RASGRP3: variants seen among roughly 807,000 people sequenced by gnomAD.
RASGRP3 encodes RAS guanyl releasing protein 3.
Under a neutral mutation model 82.7 loss-of-function variants are expected in RASGRP3, and 54 were observed. The ratio of observed to expected loss-of-function variants is 0.65; its 90% CI spans 0.52 to 0.82. RASGRP3 has a LOEUF of 0.82. RASGRP3 is among the 40% of genes least tolerant of loss of function. The pLI, the probability that RASGRP3 is intolerant of heterozygous loss-of-function variation, is 0.00. For missense variants in RASGRP3, 861 were observed against 828.9 expected (o/e 1.04, Z -0.48); for synonymous variants, 309 against 300.5 (o/e 1.03, Z -0.29).
Position 33,558,849 on chromosome 2 carries a change from C to T in RASGRP3, c.1883C>T (p.Ser628Leu), listed in dbSNP as rs779215448. The stretch of plus-strand genomic sequence containing the variant: ...TGGTCAGAGGCTGGCTGGGGGGACT[C>T]GGGGTCCCACACCTTCCCTAAAATG... Reference protein sequence around the residue: ...PVWSEAGWGDSGSHTFPKMKS... With the variant: ...PVWSEAGWGDLGSHTFPKMKS... The change falls in exon 17 of 18, where the codon TCG becomes TTG. Residue 628 changes from serine (S) to leucine (L), a missense_variant. Ser to Leu is a moderately radical substitution (Grantham distance 145, BLOSUM62 -2). Transcript: ENST00000403687. The T allele has an allele frequency of 1.1e-5, 18 of 1,613,866 alleles. No individual in the cohort carries two copies. The highest frequency in any genetic ancestry group is 6.7e-5 in the East Asian group (3 of 44,896).
chr2:33,520,560 A>G lies in RASGRP3; in HGVS notation c.244A>G (p.Ile82Val), dbSNP rs980422189. 4 of 1,613,926 alleles carry G rather than the reference A, an allele frequency of 2.5e-6. No individual in the cohort carries two copies. Among genetic ancestry groups the G allele is most frequent in the Non-Finnish European group, 2.5e-6 (3 of 1,179,806 alleles). The change falls in exon 6 of 18, where the codon ATT becomes GTT. Residue 82 changes from isoleucine to valine, a missense_variant. By Grantham distance (29) the Ile-to-Val change is conservative. Transcript: ENST00000403687. Reference sequence around the variant, plus strand: ...ATATTTGATGCCTTTCAGGTACTGGATTCTGAAGTTTCCTGCAGAGTTTAA... The same window carrying G: ...ATATTTGATGCCTTTCAGGTACTGGGTTCTGAAGTTTCCTGCAGAGTTTAA... Reference protein sequence around the residue: ...LKICYFMRYWILKFPAEFNLD... With the variant: ...LKICYFMRYWVLKFPAEFNLD...
chr2:33,560,100 G>A (rs887430249), intron 17 of RASGRP3, among the ~76,000 whole-genome samples: 1 of 152,288 alleles, frequency 6.6e-6, no homozygotes, highest in East Asian at 1.9e-4. Context: ...CCATTTAAAA[G>A]TATGCAATTT....
In RASGRP3 at chr2:33,458,700, T is replaced by G. The variant is rs373850994; in HGVS notation, c.-261+10757T>G. Among the ~76,000 whole-genome samples the G allele has an allele frequency of 2.0e-5, 3 of 152,294 alleles. No individual in the cohort carries two copies. The East Asian group carries it at 5.8e-4, about 29-fold the overall frequency. On this transcript the variant is annotated intron_variant, in intron 2 of 18. Coordinates refer to the RASGRP3 transcript ENST00000402538. ...GTGCAGAAAATAGGGTAGAAACAAG[T>G]GAGAAGGTAACTGACCCTTTTTCCA... is the stretch of plus-strand genomic sequence containing the variant.
In RASGRP3 at chr2:33,524,460, C is replaced by G; in HGVS notation, c.719C>G (p.Thr240Ser). 3 of 1,603,494 alleles carry G rather than the reference C, an allele frequency of 1.9e-6. No individual in the cohort carries two copies. The highest frequency in any genetic ancestry group is 2.6e-6 in the Non-Finnish European group (3 of 1,174,774). The change falls in exon 9 of 18, where the codon ACC (threonine) becomes AGC (serine). Residue 240 changes from threonine to serine, a missense_variant. Coordinates refer to ENST00000403687, the MANE Select transcript of RASGRP3 (RefSeq NM_001139488.2). ...CTCCTTCAGCTCAAAAATTTTAACA[C>G]CCTGATGGCAGTGGTGGGAGGCCTC... ...KKLLQLKNFN[T>S]LMAVVGGLSH... is the part of the protein sequence containing the mutation.
chr2:33,482,571 A>G (rs528577099), intron 1 of RASGRP3: 15 of 152,236 alleles, frequency 9.9e-5, no homozygotes, highest in Non-Finnish European at 7.3e-5. Flanking sequence ...AGTGCATTCT[A>G]ACTACCATGA....
intron 2 of RASGRP3, among the ~76,000 whole-genome samples, chr2:33,468,024 C>CT (rs1290432805): frequency 1.6e-5 from 2 of 127,520 alleles, no homozygotes; most frequent in Non-Finnish European, 3.1e-5. Context: ...TTCTTTCTTT[C>CT]TTTCTTTCTT....
intron 1 of RASGRP3, among the ~76,000 whole-genome samples, 200 bp downstream of exon 1, chr2:33,476,907 T>A (rs1045250960): frequency 7.6e-6 from 1 of 132,152 alleles, no homozygotes; most frequent in Non-Finnish European, 1.7e-5. Flanking sequence ...CAGCCCTTTT[T>A]TAGAACCTGT....
chr2:33,500,673 C>T (rs1038228496), intron 1 of RASGRP3, among the ~76,000 whole-genome samples: 12 of 152,280 alleles, frequency 7.9e-5, no homozygotes, highest in South Asian at 2.1e-4. Flanking sequence ...CGGTGGCCCA[C>T]GCCTGTAATC....
intron 2 of RASGRP3, among the ~76,000 whole-genome samples, chr2:33,451,675 T>A (rs1419124225): frequency 6.6e-6 from 1 of 152,218 alleles, no homozygotes; most frequent in East Asian, 1.9e-4. Flanking sequence ...TTTTGAGAAT[T>A]TGATTGTAAT....
At chr2:33,474,641 C>T (rs748869965), upstream of RASGRP3, among the ~76,000 whole-genome samples, 8 of 152,138 alleles carry the variant, frequency 5.3e-5, no homozygotes, top group African/African-American at 7.2e-5. Context: ...TTTAGAAGTG[C>T]CCCCTGTCTG....
chr2:33,536,757 G>C (rs1558500547), intron 11 of RASGRP3, among the ~76,000 whole-genome samples: 1 of 152,148 alleles, frequency 6.6e-6, no homozygotes, highest in African/African-American at 2.4e-5. Context: ...GTTGAGATGG[G>C]AGAGTTCCCT....
chr2:33,460,208 G>T (rs900601166), intron 2 of RASGRP3, among the ~76,000 whole-genome samples: 1 of 152,088 alleles, frequency 6.6e-6, no homozygotes, highest in African/African-American at 2.4e-5. Flanking sequence ...CTATTAAAAA[G>T]AATAAATCAA....
intron 1 of RASGRP3, among the ~76,000 whole-genome samples, chr2:33,437,431 A>T (rs1574203174): frequency 6.6e-6 from 1 of 152,392 alleles, no homozygotes; most frequent in East Asian, 1.9e-4. Flanking sequence ...TCCGCTGCTG[A>T]TAATAACCAC....
chr2:33,437,632 A>C (rs1277417555), intron 1 of RASGRP3, among the ~76,000 whole-genome samples: 1 of 152,234 alleles, frequency 6.6e-6, no homozygotes, highest in Admixed American at 6.5e-5. Flanking sequence ...CCAGAAAAGC[A>C]GAACCAGCTA....
chr2:33,515,265 A>C, intron 3 of RASGRP3, 59 bp downstream of exon 3: 1 of 1,549,892 alleles, frequency 6.5e-7, no homozygotes, highest in Non-Finnish European at 8.9e-7. Context: ...ACTTTCCTCT[A>C]TTCAGAGGCA....
intron 15 of RASGRP3, among the ~76,000 whole-genome samples, chr2:33,555,873 A>T (rs1222618532): frequency 6.6e-6 from 1 of 152,210 alleles, no homozygotes; most frequent in Non-Finnish European, 1.5e-5. Context: ...ACTGAATATA[A>T]GAACTTCTTC....
chr2:33,514,489 T>C (rs12232964), intron 2 of RASGRP3, among the ~76,000 whole-genome samples: 79,058 of 116,840 alleles, frequency 0.68, 24,394 homozygotes, highest in Middle Eastern at 0.77. Flanking sequence ...GGCAACATGG[T>C]AAAACCCCAT....
chr2:33,560,915 A>G (rs999011619), intron 17 of RASGRP3, among the ~76,000 whole-genome samples: 21 of 152,240 alleles, frequency 1.4e-4, no homozygotes, highest in African/African-American at 5.1e-4. Context: ...GTGTAAGACA[A>G]TCAAATAGGT....
intron 2 of RASGRP3, among the ~76,000 whole-genome samples, chr2:33,466,569 C>T (rs1666708416): frequency 6.6e-6 from 1 of 151,984 alleles, no homozygotes; most frequent in Admixed American, 6.6e-5. Context: ...GTCCCAGCTA[C>T]TCAGGAGGCT....
Sources: gnomAD v4.1 joint callset for allele counts (sites outside exome capture counted in the v4.1 genomes callset) on GRCh38, gnomAD v4.1.1 for gene constraint, MANE v1.5 for transcripts, NCBI Gene and HGNC (gene_info 2026-07-23, HGNC 2026-07-21) for gene names.